The following INPP5F variants were observed in gnomAD, a reference collection of about 807,000 sequenced individuals.
INPP5F encodes inositol polyphosphate-5-phosphatase F.
Under a neutral mutation model 137.2 loss-of-function variants are expected in INPP5F, and 97 were observed. The observed-to-expected ratio is 0.71, with a 90% CI of 0.60 to 0.84. INPP5F has a LOEUF of 0.84. Ranked by LOEUF, INPP5F falls within the 40% of genes least tolerant of loss-of-function variation. The probability of loss-of-function intolerance (pLI) is 0.00; values close to 1 mark genes in which losing one functional copy is unlikely to be tolerated. For synonymous variants in INPP5F, 504 were observed against 476.9 expected (o/e 1.06, Z -0.74); for missense variants, 1,271 against 1,371.9 (o/e 0.93, Z 1.16).
intron 3 of INPP5F, among the ~76,000 whole-genome samples, chr10:119,789,656 G>T (rs1850065385): frequency 6.6e-6 from 1 of 152,066 alleles, no homozygotes; most frequent in African/African-American, 2.4e-5. Flanking sequence ...AGACATCCCA[G>T]TGGAAATGTT....
intron 15 of INPP5F, among the ~76,000 whole-genome samples, chr10:119,818,199 C>T (rs963005159): frequency 6.6e-6 from 1 of 152,258 alleles, no homozygotes. Flanking sequence ...TTGTCCTTTC[C>T]CGCCCGTTAT....
At chr10:119,745,165 A>T (rs1157831669) in intron 1 of INPP5F, among the ~76,000 whole-genome samples, 1 of 151,716 alleles carries the variant, frequency 6.6e-6, no homozygotes, top group African/African-American at 2.4e-5. Context: ...GTTCTTTCCC[A>T]TTCAGGAGAG....
At chr10:119,798,416 G>GT in intron 8 of INPP5F, 127 bp from the exon 9 acceptor site, 1 of 627,390 alleles carries the variant, frequency 1.6e-6, no homozygotes, top group Middle Eastern at 3.1e-4. Flanking sequence ...TTAAATGATG[G>GT]TTTTAGACAA....
At chr10:119,779,640 G>T (rs1390764129) in intron 2 of INPP5F, among the ~76,000 whole-genome samples, 2 of 151,908 alleles carry the variant, frequency 1.3e-5, no homozygotes, top group Admixed American at 6.6e-5. Flanking sequence ...GGCTGGTCTT[G>T]AAGTCCTGGG....
At chr10:119,772,803 G>A (rs1849405465) in intron 2 of INPP5F, among the ~76,000 whole-genome samples, 2 of 151,922 alleles carry the variant, frequency 1.3e-5, no homozygotes, top group Admixed American at 1.3e-4. Flanking sequence ...GAGTGCAGTG[G>A]CGCAATCTTG....
rs1850149374 is a variant in INPP5F at position 119,791,642 on chromosome 10, G to T, written c.441G>T (p.Lys147Asn). The T allele has an allele frequency of 6.2e-7, 1 of 1,600,966 alleles. No homozygotes were observed. Among genetic ancestry groups the T allele is most frequent in the Non-Finnish European group, 8.5e-7 (1 of 1,170,524 alleles). The change falls in exon 4 of 20, where the codon AAG (lysine) becomes AAT (asparagine). Residue 147 changes from lysine to asparagine, a missense_variant. By Grantham distance (94) the Lys-to-Asn change is moderately conservative. Transcript: ENST00000650623. ...CCAATGTGTCTGCTCCTAATAAAAA[G>T]AAAGTAAGAGTTTAATTGATATAGG... ...IKSNVSAPNKKKVKESKEKEK... is the reference protein window; with the variant it reads ...IKSNVSAPNKNKVKESKEKEK...
intron 10 of INPP5F, 112 bp from the exon 11 acceptor site, chr10:119,805,272 C>T (rs1850728425): frequency 2.7e-6 from 2 of 731,438 alleles, no homozygotes; most frequent in Non-Finnish European, 4.6e-6. Context: ...CATATATGTA[C>T]AGCAACAATT....
In INPP5F at chr10:119,827,610, T is replaced by C. The variant is rs1287726860; in HGVS notation, c.3229T>C (p.Ser1077Pro). 3 of 1,614,046 alleles carry C rather than the reference T, an allele frequency of 1.9e-6. No homozygotes were observed. The highest frequency in any genetic ancestry group is 2.5e-6 in the Non-Finnish European group (3 of 1,180,040). The change falls in exon 20 of 20, where the codon TCC (serine) becomes CCC (proline). Residue 1077 changes from serine (S) to proline (P), a missense_variant. Physicochemically the swap from Ser to Pro is moderately conservative, Grantham distance 74. Transcript: ENST00000650623. ...AVSPFAKIRS[S>P]MVQVASITQA... is the part of the protein sequence containing the mutation. ...CTCTCCCTTTGCCAAGATTCGAAGT[T>C]CCATGGTCCAGGTTGCTAGTATTAC...
intron 19 of INPP5F, among the ~76,000 whole-genome samples, chr10:119,825,392 T>C (rs967194291): frequency 2.6e-5 from 4 of 152,208 alleles, no homozygotes; most frequent in Non-Finnish European, 2.9e-5. Flanking sequence ...TTGAGTGATA[T>C]GGCATTTAAA....
At chr10:119,781,262 T>C (rs1276685811) in intron 2 of INPP5F, among the ~76,000 whole-genome samples, 2 of 152,244 alleles carry the variant, frequency 1.3e-5, no homozygotes, top group South Asian at 2.1e-4. Context: ...TTTGTTGTAT[T>C]GTTAGGTATT....
chr10:119,766,602 G>T (rs971831843), intron 2 of INPP5F, among the ~76,000 whole-genome samples: 7 of 151,992 alleles, frequency 4.6e-5, no homozygotes, highest in African/African-American at 1.5e-4. Flanking sequence ...AGACAAAGAG[G>T]ATATCCTAAA....
intron 1 of INPP5F, among the ~76,000 whole-genome samples, chr10:119,749,827 G>T (rs182401444): frequency 9.8e-4 from 150 of 152,296 alleles, no homozygotes; most frequent in African/African-American, 3.6e-3. Flanking sequence ...TGCCTGGGCT[G>T]GAGTGCCGTG....
At chr10:119,795,232 C>T (rs570864062) in intron 6 of INPP5F, among the ~76,000 whole-genome samples, 1,530 of 141,826 alleles carry the variant, frequency 0.011, 21 homozygotes, top group African/African-American at 0.038. Context: ...ACCTCCTGGA[C>T]GGGGCGGCTG....
In INPP5F at chr10:119,756,532, A is replaced by T. The variant is rs572173603; in HGVS notation, c.178+5376A>T. Among the ~76,000 whole-genome samples the T allele has an allele frequency of 2.6e-5, 4 of 152,072 alleles. No homozygotes were observed. The South Asian group carries it at 8.3e-4, about 32-fold the overall frequency. On this transcript the variant is annotated intron_variant, in intron 2 of 19. Coordinates refer to ENST00000650623, the MANE Select transcript of INPP5F (RefSeq NM_014937.4). The stretch of plus-strand genomic sequence containing the variant: ...GCACCTGTAATCCCACCTACCCGGG[A>T]GGTTGAGGCAGGATAATCGCTTGAA...
chr10:119,767,473 TAATAATGATTTA>T (rs2134153951), intron 2 of INPP5F, among the ~76,000 whole-genome samples: 1 of 152,212 alleles, frequency 6.6e-6, no homozygotes, highest in South Asian at 2.1e-4. Flanking sequence ...AAAAGCAGAA[TAATAATGATTTA>T]AAAACTTAAT....
intron 3 of INPP5F, among the ~76,000 whole-genome samples, chr10:119,784,836 G>A (rs1055648430): frequency 5.3e-5 from 8 of 152,190 alleles, no homozygotes; most frequent in South Asian, 2.1e-4. Flanking sequence ...CCCTGTCTTC[G>A]TTAGCAGCCA....
intron 1 of INPP5F, among the ~76,000 whole-genome samples, chr10:119,742,947 G>A (rs925598652): frequency 1.3e-5 from 2 of 152,202 alleles, no homozygotes; most frequent in South Asian, 2.1e-4. Context: ...AGCCGAGATC[G>A]CGCCATTGCA....
At chr10:119,798,157 T>TA (rs971793550) in intron 8 of INPP5F, among the ~76,000 whole-genome samples, 8 of 151,970 alleles carry the variant, frequency 5.3e-5, no homozygotes, top group East Asian at 1.9e-4. Flanking sequence ...AGCTTGATTT[T>TA]AAAAAAAATG....
Position 119,787,649 on chromosome 10 carries a change from A to AAGGGAGGAAGGCAGGCAGGCAGGC in INPP5F, c.316-3864_316-3841dup, listed in dbSNP as rs1416793099. On this transcript the variant is annotated intron_variant, in intron 3 of 19. Transcript: ENST00000650623. This position sits in a 1 kb window ranked among gnomAD's most constrained non-coding sequence, Gnocchi z 4.1. The stretch of plus-strand genomic sequence containing the variant: ...GAAGGGGGAGGGGAAGGGGAGGAGG[A>AAGGGAGGAAGGCAGGCAGGCAGGC]AGGGAGGAAGGCAGGCAGGCAGGCA... Among the ~76,000 whole-genome samples the AAGGGAGGAAGGCAGGCAGGCAGGC allele has an allele frequency of 1.2e-3, 176 of 151,796 alleles. No homozygotes were observed. Among genetic ancestry groups the AAGGGAGGAAGGCAGGCAGGCAGGC allele is most frequent in the African/African-American group, 4.2e-3 (172 of 41,422 alleles).
Sources: allele counts gnomAD v4.1 joint callset (sites outside exome capture counted in the v4.1 genomes callset), GRCh38; gene constraint gnomAD v4.1.1; non-coding constraint Gnocchi (gnomAD v3.1); transcripts MANE v1.5; gene names NCBI Gene and HGNC (gene_info 2026-07-23, HGNC 2026-07-21).